The following KATNA1 variants were observed in gnomAD, a reference collection of about 807,000 sequenced individuals.
KATNA1 encodes katanin p60 ATPase-containing subunit A1.
KATNA1 carries 42 observed loss-of-function variants against 62.6 expected under a neutral mutation model. The observed-to-expected ratio is 0.67, with a 90% CI of 0.52 to 0.87. The LOEUF is 0.87. Ranked by LOEUF, KATNA1 falls within the 40% of genes least tolerant of loss-of-function variation. The pLI, the probability that KATNA1 is intolerant of heterozygous loss-of-function variation, is 0.00. For missense variants in KATNA1, 498 were observed against 612.5 expected, an observed-to-expected ratio of 0.81 and a Z score of 1.97; for synonymous variants, 186 against 201.9, an observed-to-expected ratio of 0.92 and a Z score of 0.67.
chr6:149,626,292 CTT>C (rs544379629), intron 3 of KATNA1, among the ~76,000 whole-genome samples: 6 of 88,722 alleles, frequency 6.8e-5, no homozygotes, highest in East Asian at 5.8e-4. Flanking sequence ...ATAACATTTA[CTT>C]TTTTTTTTTT....
rs766424563 is a variant in KATNA1, at chr6:149,597,084, G to A, written c.1256C>T (p.Ala419Val). 9.3e-6 allele frequency: 15 copies of A among 1,613,836 alleles called. No individual in the cohort carries two copies. The highest frequency in any genetic ancestry group is 3.3e-5 in the Admixed American group (2 of 59,982). ...ATACCTGCACACGTTGGTAATGTCC[G>A]CACCTGAATAACCTTCCATGTTTTC... ...IAENMEGYSG[A>V]DITNVCRDAS... Residue 419 changes from alanine (A) to valine (V), a missense_variant, in exon 10 of 11, where the codon GCG (alanine) becomes GTG (valine). Ala to Val is a moderately conservative substitution (Grantham distance 64). Around this residue, in one of 3 missense-constraint regions of KATNA1, gnomAD observed 267 missense variants for 372.6 expected, o/e 0.72. Transcript: ENST00000367411.
rs62439831 is a variant in KATNA1 at position 149,648,527 on chromosome 6, A to G, written c.-72T>C. On this transcript the variant is annotated 5_prime_UTR_variant, in exon 1 of 11. Coordinates refer to ENST00000367411, the MANE Select transcript of KATNA1 (RefSeq NM_007044.4). ...AACGCCAGGCACAGGGGATTGGCGG[A>G]GTGGAGATCCCGGCAGCGAGGAAGG... The G allele has an allele frequency of 7.0e-3, 1,064 of 152,608 alleles. 6 individuals are homozygous for G. Among genetic ancestry groups the G allele is most frequent in the Middle Eastern group, 0.017 (5 of 296 alleles). 9.5% of individuals were successfully genotyped at this position (152,608 alleles called of 1,614,324 possible).
At chr6:149,619,430 T>C (rs767885644) in intron 4 of KATNA1, among the ~76,000 whole-genome samples, 7 of 151,986 alleles carry the variant, frequency 4.6e-5, no homozygotes, top group Non-Finnish European at 7.4e-5. Context: ...CTGGGCAACA[T>C]GGTGAAACCC....
intron 7 of KATNA1, among the ~76,000 whole-genome samples, chr6:149,599,338 A>G (rs1778445280): frequency 6.6e-6 from 1 of 152,182 alleles, no homozygotes; most frequent in Non-Finnish European, 1.5e-5. Context: ...ATCAACAAAA[A>G]TTAAACTTCA....
intron 3 of KATNA1, among the ~76,000 whole-genome samples, chr6:149,630,126 T>C (rs1040199667): frequency 1.3e-5 from 2 of 152,234 alleles, no homozygotes; most frequent in Admixed American, 1.3e-4. Context: ...CAAGCTAGGA[T>C]GACTATGTGA....
chr6:149,619,014 G>A (rs1490085676), intron 4 of KATNA1, among the ~76,000 whole-genome samples: 1 of 152,050 alleles, frequency 6.6e-6, no homozygotes, highest in Non-Finnish European at 1.5e-5. Flanking sequence ...GCACAGTAAA[G>A]GCAACAATTA....
chr6:149,598,121 A>C (rs1306840796), intron 8 of KATNA1, 103 bp downstream of exon 8: 1 of 1,299,228 alleles, frequency 7.7e-7, no homozygotes, highest in Non-Finnish European at 1.1e-6. Context: ...ATACCTATTA[A>C]AAGCTTGGGT....
chr6:149,627,567 C>G (rs919248675), intron 3 of KATNA1, among the ~76,000 whole-genome samples: 1 of 150,138 alleles, frequency 6.7e-6, no homozygotes, highest in African/African-American at 2.5e-5. Flanking sequence ...GTAATTATTC[C>G]AGCTACTCAG....
chr6:149,647,864 C>G (rs1291500882), intron 1 of KATNA1, among the ~76,000 whole-genome samples: 1 of 152,302 alleles, frequency 6.6e-6, no homozygotes, highest in South Asian at 2.1e-4. Context: ...TAAATAAGAG[C>G]TTGAGATTAT....
chr6:149,600,504 A>C (rs1778496565), intron 7 of KATNA1, among the ~76,000 whole-genome samples: 1 of 152,010 alleles, frequency 6.6e-6, no homozygotes, highest in Non-Finnish European at 1.5e-5. Flanking sequence ...ATGGTAGTGC[A>C]CTTGTGTAGT....
intron 3 of KATNA1, among the ~76,000 whole-genome samples, chr6:149,626,697 C>T (rs1779622922): frequency 6.6e-6 from 1 of 151,410 alleles, no homozygotes; most frequent in Non-Finnish European, 1.5e-5. Context: ...AAATATACAC[C>T]ATCTGGCTGG....
intron 4 of KATNA1, among the ~76,000 whole-genome samples, chr6:149,615,694 G>A (rs950351273): frequency 7.2e-5 from 11 of 151,986 alleles, no homozygotes; most frequent in Non-Finnish European, 1.2e-4. Flanking sequence ...GTAGGGGCGC[G>A]GATCACTGGA....
intron 3 of KATNA1, among the ~76,000 whole-genome samples, chr6:149,630,894 A>G (rs575245760): frequency 1.3e-5 from 2 of 152,322 alleles, no homozygotes; most frequent in East Asian, 3.9e-4. Flanking sequence ...CATTATTATA[A>G]AACACAATAT....
At chr6:149,610,951 G>A (rs537775550) in intron 4 of KATNA1, among the ~76,000 whole-genome samples, 4 of 152,252 alleles carry the variant, frequency 2.6e-5, no homozygotes, top group South Asian at 2.1e-4. Flanking sequence ...CGGGCGTGGT[G>A]TTCCACGCCT....
At chr6:149,610,294 T>C (rs1187372280) in intron 4 of KATNA1, among the ~76,000 whole-genome samples, 1 of 141,852 alleles carries the variant, frequency 7.0e-6, no homozygotes, top group Non-Finnish European at 1.5e-5. Flanking sequence ...AGAGATCCTA[T>C]CTCAAAAAAA....
chr6:149,632,422 T>C (rs985064969), intron 3 of KATNA1, among the ~76,000 whole-genome samples: 4 of 151,916 alleles, frequency 2.6e-5, no homozygotes, highest in African/African-American at 9.7e-5. Flanking sequence ...AAAAAGGTTT[T>C]ATTATTTTCC....
At chr6:149,615,063 G>A (rs1332864353) in intron 4 of KATNA1, among the ~76,000 whole-genome samples, 1 of 147,776 alleles carries the variant, frequency 6.8e-6, no homozygotes, top group Non-Finnish European at 1.5e-5. Context: ...AACCTGGGAG[G>A]CTGAGGTCGC....
At position 149,625,749 on chromosome 6, in the gene KATNA1, C is replaced by T. The variant is rs900772071; in HGVS notation, c.321-2466G>A. ...AGGAGTTCAAGACCAGCCTGGCCAA[C>T]ATGGCGAAACCCCGTCTCTACTAAA... On this transcript the variant is annotated intron_variant, in intron 3 of 10. Coordinates refer to ENST00000367411, the MANE Select transcript of KATNA1 (RefSeq NM_007044.4). Among the ~76,000 whole-genome samples the T allele has an allele frequency of 3.3e-5, 5 of 152,244 alleles. No individual in the cohort carries two copies. In the East Asian group the frequency reaches 5.8e-4, roughly 18 times the overall value.
At chr6:149,599,958 CAG>C (rs1778475289) in intron 7 of KATNA1, among the ~76,000 whole-genome samples, 1 of 152,086 alleles carries the variant, frequency 6.6e-6, no homozygotes, top group South Asian at 2.1e-4. Context: ...AAACTCAAAA[CAG>C]GCCAAATATT....
Sources: allele counts gnomAD v4.1 joint callset (sites outside exome capture counted in the v4.1 genomes callset), GRCh38; gene constraint gnomAD v4.1.1; regional missense constraint gnomAD v4.1.1; transcripts MANE v1.5; gene names NCBI Gene and HGNC (gene_info 2026-07-23, HGNC 2026-07-21).